The following LTF variants were observed in gnomAD, a reference collection of about 807,000 sequenced individuals.
LTF encodes the protein lactotransferrin.
In LTF, 91 loss-of-function variants were observed where a neutral mutation model predicts 87.2. The ratio of observed to expected loss-of-function variants is 1.04; its 90% CI spans 0.88 to 1.24. The LOEUF is 1.24. LTF is among the 50% of genes most tolerant of loss of function. The pLI is 0.00. For missense variants in LTF, 901 were observed against 904.3 expected, an observed-to-expected ratio of 1.00 and a Z score of 0.05; for synonymous variants, 378 against 356.1, an observed-to-expected ratio of 1.06 and a Z score of -0.69.
chr3:46,450,042 A>G lies in LTF; in HGVS notation c.883-14T>C. 1.3e-6 allele frequency: 2 copies of G among 1,573,374 alleles called. No individual in the cohort carries two copies. Among genetic ancestry groups the G allele is most frequent in the Non-Finnish European group, 1.7e-6 (2 of 1,162,268 alleles). ...TCCAAACTTTTCCTAATTAAGAAAA[A>G]ATAGAATTATGGTGTCAATGGTAAA... is the stretch of plus-strand genomic sequence containing the variant. On this transcript the variant is annotated splice_polypyrimidine_tract_variant and intron_variant, in intron 7 of 16. Transcript: ENST00000231751.
chr3:46,436,802 C>T (rs1379673227), intron 16 of LTF, among the ~76,000 whole-genome samples: 1 of 152,210 alleles, frequency 6.6e-6, no homozygotes, highest in Non-Finnish European at 1.5e-5. Flanking sequence ...TTTGTCAATA[C>T]AGAAAAGGGT....
At chr3:46,466,543 A>T (rs981794063), upstream of LTF, among the ~76,000 whole-genome samples, 1 of 152,098 alleles carries the variant, frequency 6.6e-6, no homozygotes, top group African/African-American at 2.4e-5. Context: ...GAGGCTGGGG[A>T]GCCCCTCCAT....
chr3:46,484,170 C>A (rs1194810409), intron 1 of LTF, among the ~76,000 whole-genome samples: 1 of 152,110 alleles, frequency 6.6e-6, no homozygotes, highest in East Asian at 1.9e-4. Context: ...TCGGAGAAGA[C>A]AAGAGCATGG....
Position 46,458,774 on chromosome 3 carries a change from C to T in LTF, c.207+882G>A, listed in dbSNP as rs978972250. Among the ~76,000 whole-genome samples, 4 of 152,308 alleles carry T rather than the reference C, an allele frequency of 2.6e-5. No individual in the cohort carries two copies. In the South Asian group the frequency reaches 8.3e-4, roughly 32 times the overall value. Reference sequence around the variant, plus strand: ...ATTTTTAGTAGAGGCAGGGTTTCACCATGTTGGCCATCCTGGTTTTGAACT... The same window carrying T: ...ATTTTTAGTAGAGGCAGGGTTTCACTATGTTGGCCATCCTGGTTTTGAACT... On this transcript the variant is annotated intron_variant, in intron 2 of 16. Coordinates refer to ENST00000231751, the MANE Select transcript of LTF (RefSeq NM_002343.6).
intron 15 of LTF, 48 bp from the exon 16 acceptor site, chr3:46,438,177 A>G (rs3213479): frequency 0.36 from 545,568 of 1,525,942 alleles, 101,976 homozygotes; most frequent in East Asian, 0.59. Context: ...AGAGGAATTT[A>G]TGGGTTAAAG....
At chr3:46,457,299 C>T (rs149630789) in intron 2 of LTF, among the ~76,000 whole-genome samples, 1 of 152,226 alleles carries the variant, frequency 6.6e-6, no homozygotes, top group Non-Finnish European at 1.5e-5. Flanking sequence ...ATAATGTTTT[C>T]TCATAATGTG....
chr3:46,470,700 G>A (rs541578486), intron 1 of LTF, among the ~76,000 whole-genome samples: 1 of 152,292 alleles, frequency 6.6e-6, no homozygotes, highest in South Asian at 2.1e-4. Flanking sequence ...GGGCAGACGG[G>A]AAGGCATGGG....
chr3:46,459,966 C>T, intron 1 of LTF, 147 bp from the exon 2 acceptor site: 1 of 515,230 alleles, frequency 1.9e-6, no homozygotes, highest in Admixed American at 4.3e-5. Context: ...AGCCATTCTC[C>T]ACAAGTGGAG....
chr3:46,436,516 T>G (rs1477389183), intron 16 of LTF, among the ~76,000 whole-genome samples: 2 of 152,210 alleles, frequency 1.3e-5, no homozygotes, highest in Non-Finnish European at 2.9e-5. Context: ...ATTCTCAAGT[T>G]CACAAGACAT....
At chr3:46,462,525 A>C (rs988725443) in intron 1 of LTF, among the ~76,000 whole-genome samples, 5 of 152,088 alleles carry the variant, frequency 3.3e-5, no homozygotes, top group Non-Finnish European at 5.9e-5. Context: ...TACTCTTACC[A>C]CTGGGCTAGC....
At chr3:46,468,920 C>T (rs1174403777), upstream of LTF, among the ~76,000 whole-genome samples, 1 of 152,220 alleles carries the variant, frequency 6.6e-6, no homozygotes, top group Non-Finnish European at 1.5e-5. Context: ...TCAGGGCTTC[C>T]TCCTTCCACA....
intron 1 of LTF, among the ~76,000 whole-genome samples, chr3:46,476,059 A>C (rs531849433): frequency 6.6e-6 from 1 of 152,210 alleles, no homozygotes; most frequent in African/African-American, 2.4e-5. Flanking sequence ...TATTAGAAAT[A>C]CAATCTATTT....
rs368369338 is a variant in LTF at position 46,443,543 on chromosome 3, G to A, written c.1553C>T (p.Pro518Leu). 37 of 1,613,996 alleles carry A rather than the reference G, an allele frequency of 2.3e-5. No individual in the cohort carries two copies. The highest frequency in any genetic ancestry group is 8.8e-5 in the South Asian group (8 of 91,078). ...FSQSCAPGSD[P>L]RSNLCALCIG... Reference sequence around the variant, plus strand: ...ACACAGAGCACAGAGATTAGATCTCGGGTCAGACCCAGGGGCACAGCTTTG... The same window carrying A: ...ACACAGAGCACAGAGATTAGATCTCAGGTCAGACCCAGGGGCACAGCTTTG... The change falls in exon 13 of 17, where the codon CCG becomes CTG. Residue 518 changes from proline (P) to leucine (L), a missense_variant. Transcript: ENST00000231751.
At position 46,448,914 on chromosome 3, in the gene LTF, G is replaced by A. The variant is rs575248764; in HGVS notation, c.1161C>T (p.Ser387=). The change falls in exon 9 of 17, where the codon AGC becomes AGT. Residue 387 remains serine, a synonymous_variant. Coordinates refer to ENST00000231751, the MANE Select transcript of LTF (RefSeq NM_002343.6). ...CNQWSGLSEG[S]VTCSSASTTE... ...TGGTGGAGGCCGAGGAGCAGGTCAC[G>A]CTGCCTTCGCTCAAGCCACTCCACT... The A allele has an allele frequency of 2.4e-5, 39 of 1,613,624 alleles. No homozygotes were observed. The East Asian group carries it at 2.9e-4, about 12-fold the overall frequency.
upstream of LTF, among the ~76,000 whole-genome samples, chr3:46,466,761 A>G (rs552366365): frequency 6.6e-6 from 1 of 152,376 alleles, no homozygotes; most frequent in Non-Finnish European, 1.5e-5. Context: ...TTTCAAAAAT[A>G]CTGAAGAAAT....
At chr3:46,477,361 G>C (rs949742087) in intron 1 of LTF, among the ~76,000 whole-genome samples, 2 of 152,238 alleles carry the variant, frequency 1.3e-5, no homozygotes, top group Non-Finnish European at 2.9e-5. Flanking sequence ...GATGAAGCCT[G>C]GCCCTTCTGA....
At chr3:46,460,319 G>A (rs1252396026) in intron 1 of LTF, among the ~76,000 whole-genome samples, 2 of 152,176 alleles carry the variant, frequency 1.3e-5, no homozygotes, top group African/African-American at 4.8e-5. Context: ...TCTTCCCAGG[G>A]AATGCCAAGA....
chr3:46,437,187 C>G (rs1702404527), intron 16 of LTF, among the ~76,000 whole-genome samples: 1 of 152,156 alleles, frequency 6.6e-6, no homozygotes. Flanking sequence ...TCTGTGATGT[C>G]TTCTAAATAT....
chr3:46,436,355 C>A, intron 16 of LTF, 126 bp from the exon 17 acceptor site: 1 of 834,198 alleles, frequency 1.2e-6, no homozygotes, highest in Non-Finnish European at 2.0e-6. Context: ...TGAGTCAGTG[C>A]TTGCCACACT....
Sources: allele counts gnomAD v4.1 joint callset (sites outside exome capture counted in the v4.1 genomes callset), GRCh38; gene constraint gnomAD v4.1.1; transcripts MANE v1.5; gene names NCBI Gene and HGNC (gene_info 2026-07-23, HGNC 2026-07-21).